OPRM1: variants seen among roughly 807,000 people sequenced by gnomAD.
OPRM1 encodes the protein opioid receptor mu 1.
Under a neutral mutation model 31.8 loss-of-function variants are expected in OPRM1, and 27 were observed. The observed-to-expected ratio is 0.85, with a 90% CI of 0.63 to 1.17. The LOEUF (loss-of-function observed/expected upper bound fraction) is 1.17. OPRM1 is among the 50% of genes most tolerant of loss of function. The pLI, the probability that OPRM1 is intolerant of heterozygous loss-of-function variation, is 0.00. For synonymous variants in OPRM1, 196 were observed against 189.9 expected (o/e 1.03, Z -0.26); for missense variants, 536 against 511.1 (o/e 1.05, Z -0.47).
At position 154,199,795 on chromosome 6, in the gene OPRM1, G is replaced by T. The variant is rs778801736; in HGVS notation, c.1165-46898G>T. 1 of 1,614,184 alleles carries T rather than the reference G, an allele frequency of 6.2e-7. No individual in the cohort carries two copies. Among genetic ancestry groups the T allele is most frequent in the East Asian group, 2.2e-5 (1 of 44,886 alleles). On this transcript the variant is annotated intron_variant, in intron 3 of 3. Transcript: ENST00000337049. Reference sequence around the variant, plus strand: ...ATCCACTTTCTGATGTGACAAAACTGTTTTCCAGGGCCTTGTGGATGCCTG... The same window carrying T: ...ATCCACTTTCTGATGTGACAAAACTTTTTTCCAGGGCCTTGTGGATGCCTG...
intron 3 of OPRM1, among the ~76,000 whole-genome samples, chr6:154,141,256 C>T (rs566842910): frequency 2.5e-4 from 38 of 152,186 alleles, no homozygotes; most frequent in Non-Finnish European, 4.3e-4. Context: ...ATAAATCACC[C>T]GCTTATCCCA....
chr6:154,225,295 G>A (rs901434637), intron 3 of OPRM1, among the ~76,000 whole-genome samples: 1 of 152,128 alleles, frequency 6.6e-6, no homozygotes, highest in Non-Finnish European at 1.5e-5. Flanking sequence ...TACATGTGCA[G>A]CCCTGTTCAC....
At chr6:154,173,297 A>T (rs1407982159) in intron 3 of OPRM1, among the ~76,000 whole-genome samples, 4 of 152,200 alleles carry the variant, frequency 2.6e-5, no homozygotes, top group African/African-American at 9.7e-5. Flanking sequence ...CAGCAAGGGA[A>T]CAAAACTGGA....
At chr6:154,095,904 T>A (rs1340081357) in intron 3 of OPRM1, among the ~76,000 whole-genome samples, 1 of 152,180 alleles carries the variant, frequency 6.6e-6, no homozygotes, top group Non-Finnish European at 1.5e-5. Context: ...AACTCCACTT[T>A]GCTTTCAAAC....
chr6:154,010,961 C>T lies in OPRM1; in HGVS notation c.-58C>T, dbSNP rs1178897339. The T allele has an allele frequency of 6.2e-6, 8 of 1,296,058 alleles. 1 individual carries two copies. The South Asian group carries it at 9.9e-5, about 16-fold the overall frequency. The allele number at this position is 1,296,058 out of a possible 1,614,324, so 80.3% of individuals were successfully genotyped here. ...CTGGAGCACAGAACTCTGATATCCT[C>T]TCACACTGTGGCAGGAGAAGCAGCA... On this transcript the variant is annotated 5_prime_UTR_variant, in exon 1 of 6. Coordinates refer to the OPRM1 transcript ENST00000434900.
At position 154,091,215 on chromosome 6, in the gene OPRM1, A is replaced by G. The variant is rs772251640; in HGVS notation, c.907A>G (p.Ile303Val). Residue 303 changes from isoleucine to valine, a missense_variant, in exon 3 of 4, where the codon ATC becomes GTC. Coordinates refer to ENST00000330432, the MANE Select transcript of OPRM1 (RefSeq NM_000914.5). ...CTGGACTCCCATTCACATTTACGTC[A>G]TCATTAAAGCCTTGGTTACAATCCC... ...VCWTPIHIYV[I>V]IKALVTIPET... 1 of 1,614,194 alleles carries G rather than the reference A, an allele frequency of 6.2e-7. No homozygotes were observed. Among genetic ancestry groups the G allele is most frequent in the South Asian group, 1.1e-5 (1 of 91,084 alleles).
chr6:154,052,457 T>C (rs373506467), intron 1 of OPRM1, among the ~76,000 whole-genome samples: 2 of 152,372 alleles, frequency 1.3e-5, no homozygotes, highest in African/African-American at 4.8e-5. Flanking sequence ...AACACATAGA[T>C]GAATGGATAT....
chr6:154,214,078 A>G, intron 3 of OPRM1: 1 of 661,936 alleles, frequency 1.5e-6, no homozygotes, highest in Non-Finnish European at 2.8e-6. Flanking sequence ...CTGTCTCCAC[A>G]TATTTTCAGA....
At chr6:154,207,343 A>C (rs577374199) in intron 3 of OPRM1, among the ~76,000 whole-genome samples, 1 of 152,340 alleles carries the variant, frequency 6.6e-6, no homozygotes, top group South Asian at 2.1e-4. Context: ...AATCTTGAGG[A>C]GAAAGGGTGA....
intron 3 of OPRM1, among the ~76,000 whole-genome samples, chr6:154,190,809 T>C (rs568428245): frequency 6.6e-6 from 1 of 152,312 alleles, no homozygotes; most frequent in South Asian, 2.1e-4. Flanking sequence ...ATCCATACAA[T>C]GGAATATTAT....
At position 154,123,183 on chromosome 6, in the gene OPRM1, C is replaced by T. The variant is rs1309870383; in HGVS notation, c.*4462C>T. On this transcript the variant is annotated 3_prime_UTR_variant, in exon 4 of 4. Transcript: ENST00000330432. ...TGAAAAGCTGTCTGTACAACTGCCT[C>T]TATCTATGCAGCTATGGGGTGTCTC... Among the ~76,000 whole-genome samples, 1 of 152,174 alleles carries T rather than the reference C, an allele frequency of 6.6e-6. No homozygotes were observed. The highest frequency in any genetic ancestry group is 2.4e-5 in the African/African-American group (1 of 41,450).
chr6:154,043,331 C>A (rs577225800), intron 1 of OPRM1, among the ~76,000 whole-genome samples: 27 of 152,054 alleles, frequency 1.8e-4, no homozygotes, highest in Non-Finnish European at 3.5e-4. Context: ...TCCTTCCTAA[C>A]AAGTATTTCT....
intron 1 of OPRM1, among the ~76,000 whole-genome samples, chr6:154,044,641 C>CA (rs1353510464): frequency 4.7e-5 from 7 of 149,896 alleles, no homozygotes; most frequent in East Asian, 3.9e-4. Context: ...GCTACTGCTG[C>CA]AAAAAAAATA....
At chr6:154,057,238 C>A (rs1057421725) in intron 1 of OPRM1, among the ~76,000 whole-genome samples, 1 of 152,130 alleles carries the variant, frequency 6.6e-6, no homozygotes, top group Non-Finnish European at 1.5e-5. Flanking sequence ...ACATGAACTA[C>A]GTTTGTTGAG....
chr6:154,120,845 T>G lies in OPRM1; in HGVS notation c.*2124T>G, dbSNP rs1393630067. On this transcript the variant is annotated 3_prime_UTR_variant, in exon 4 of 4. Transcript: ENST00000330432. ...GTCTTCAAGTAGGACCTGATCTATC[T>G]TTTTCCACAAATGTCATGTGTGTGA... Among the ~76,000 whole-genome samples the G allele has an allele frequency of 6.6e-6, 1 of 152,174 alleles. No homozygotes were observed. Among genetic ancestry groups the G allele is most frequent in the Non-Finnish European group, 1.5e-5 (1 of 68,020 alleles).
At chr6:154,034,337 G>C (rs1009921523), upstream of OPRM1, among the ~76,000 whole-genome samples, 1 of 152,318 alleles carries the variant, frequency 6.6e-6, no homozygotes, top group South Asian at 2.1e-4. Context: ...GAGGTCAGGA[G>C]ATCGAGACCA....
chr6:154,225,155 A>C (rs1002419308), intron 3 of OPRM1, among the ~76,000 whole-genome samples: 3 of 152,190 alleles, frequency 2.0e-5, no homozygotes, highest in Non-Finnish European at 2.9e-5. Context: ...CCCAAATCTG[A>C]AAATCCAACA....
At chr6:154,166,806 A>G (rs1457953170) in intron 3 of OPRM1, among the ~76,000 whole-genome samples, 1 of 152,226 alleles carries the variant, frequency 6.6e-6, no homozygotes, top group Non-Finnish European at 1.5e-5. Context: ...ACGCTATGAC[A>G]TATTACATTG....
intron 1 of OPRM1, among the ~76,000 whole-genome samples, chr6:154,022,177 G>A (rs879463677): frequency 1.3e-5 from 2 of 152,174 alleles, no homozygotes; most frequent in Non-Finnish European, 2.9e-5. Flanking sequence ...TGAGAGTTCT[G>A]ATCATGAATG....
Sources: gnomAD v4.1 joint callset for allele counts (sites outside exome capture counted in the v4.1 genomes callset) on GRCh38, gnomAD v4.1.1 for gene constraint, MANE v1.5 for transcripts, NCBI Gene and HGNC (gene_info 2026-07-23, HGNC 2026-07-21) for gene names.